The following LEKR1 variants were observed in gnomAD, a reference collection of about 807,000 sequenced individuals.
LEKR1 encodes leucine, glutamate and lysine rich 1, also known as protein LEKR1.
Under a neutral mutation model 72.4 loss-of-function variants are expected in LEKR1, and 59 were observed. That is an observed-to-expected ratio of 0.82 (90% confidence interval 0.66 to 1.01). The LOEUF (loss-of-function observed/expected upper bound fraction) is 1.01. Ranked by LOEUF, LEKR1 falls within the 50% of genes least tolerant of loss-of-function variation. The pLI is 0.00. For synonymous variants in LEKR1, 257 were observed against 263.2 expected, an observed-to-expected ratio of 0.98 and a Z score of 0.23; for missense variants, 728 against 759.2, an observed-to-expected ratio of 0.96 and a Z score of 0.48.
chr3:157,036,831 T>C lies in LEKR1; in HGVS notation c.1668+8429T>C, dbSNP rs145240635. Among the ~76,000 whole-genome samples, 943 of 152,286 alleles carry C rather than the reference T, an allele frequency of 6.2e-3. 5 individuals carry two copies. Among genetic ancestry groups the C allele is most frequent in the African/African-American group, 0.021 (889 of 41,554 alleles). ...AACAAAGAGAAGCTGATAGCTTACA[T>C]GGGGTGTTTGAACATGTTGAGAGGA... is the stretch of plus-strand genomic sequence containing the variant. On this transcript the variant is annotated intron_variant, in intron 12 of 12. Coordinates refer to ENST00000356539, the MANE Select transcript of LEKR1 (RefSeq NM_001004316.3).
At position 157,045,417 on chromosome 3, in the gene LEKR1, A is replaced by G; in HGVS notation, c.1746A>G (p.Arg582=). 2 of 1,614,158 alleles carry G rather than the reference A, an allele frequency of 1.2e-6. No homozygotes were observed. The highest frequency in any genetic ancestry group is 1.1e-5 in the South Asian group (1 of 91,088). The part of the protein sequence containing the change: ...FELTEALSQA[R]EQLLELSKLR... The stretch of plus-strand genomic sequence containing the variant: ...TGACAGAGGCTTTGAGTCAAGCCAG[A>G]GAACAGCTCCTGGAGCTCAGTAAGC... The change falls in exon 13 of 13, where the codon AGA becomes AGG. Residue 582 remains arginine (R), a synonymous_variant. Coordinates refer to ENST00000356539, the MANE Select transcript of LEKR1 (RefSeq NM_001004316.3).
intron 3 of LEKR1, among the ~76,000 whole-genome samples, chr3:156,868,629 A>G (rs1717576870): frequency 6.6e-6 from 1 of 152,074 alleles, no homozygotes; most frequent in African/African-American, 2.4e-5. Flanking sequence ...AAGTCACGGT[A>G]TTTGTGGTAT....
chr3:156,977,106 C>A (rs1250045695), intron 6 of LEKR1, among the ~76,000 whole-genome samples: 1 of 152,146 alleles, frequency 6.6e-6, no homozygotes, highest in African/African-American at 2.4e-5. Context: ...CTTCTTCCAG[C>A]CCATGATGAA....
chr3:157,008,361 A>ATTC (rs1290815909), intron 9 of LEKR1, among the ~76,000 whole-genome samples: 2 of 152,134 alleles, frequency 1.3e-5, no homozygotes, highest in African/African-American at 4.8e-5. Context: ...CCACATACAC[A>ATTC]TTCTACTCTG....
intron 12 of LEKR1, among the ~76,000 whole-genome samples, chr3:157,039,625 C>T (rs1011799084): frequency 6.6e-6 from 1 of 151,914 alleles, no homozygotes; most frequent in Non-Finnish European, 1.5e-5. Flanking sequence ...TCTCAAAAAA[C>T]GAAAAGAAAA....
At chr3:156,989,912 C>G (rs956593464) in intron 7 of LEKR1, among the ~76,000 whole-genome samples, 1 of 152,074 alleles carries the variant, frequency 6.6e-6, no homozygotes, top group Non-Finnish European at 1.5e-5. Flanking sequence ...CCCTTTACCT[C>G]TAGATACTTC....
chr3:156,866,539 CCT>C (rs1278053692), intron 3 of LEKR1, among the ~76,000 whole-genome samples: 2 of 152,008 alleles, frequency 1.3e-5, no homozygotes, highest in Non-Finnish European at 2.9e-5. Context: ...TCTCTCCAGA[CCT>C]CTTACTATGT....
chr3:156,991,937 T>G (rs1187509209), intron 7 of LEKR1, among the ~76,000 whole-genome samples: 2 of 152,318 alleles, frequency 1.3e-5, no homozygotes, highest in East Asian at 3.9e-4. Flanking sequence ...GCTATATTTC[T>G]CCAAAAAATA....
intron 10 of LEKR1, among the ~76,000 whole-genome samples, chr3:157,014,599 C>G (rs927126798): frequency 2.0e-5 from 3 of 151,938 alleles, no homozygotes; most frequent in African/African-American, 7.3e-5. Context: ...TATAAAATAT[C>G]AATTTTAATT....
intron 6 of LEKR1, among the ~76,000 whole-genome samples, chr3:156,970,509 A>C (rs1047157207): frequency 2.0e-5 from 3 of 152,146 alleles, no homozygotes; most frequent in Non-Finnish European, 1.5e-5. Context: ...TTTTTGTATA[A>C]GGTGTAAGGA....
At chr3:156,997,051 G>A (rs1317260946) in intron 9 of LEKR1, among the ~76,000 whole-genome samples, 2 of 147,234 alleles carry the variant, frequency 1.4e-5, no homozygotes, top group Non-Finnish European at 3.0e-5. Flanking sequence ...GGCAACAAGA[G>A]CAAAACTTCA....
intron 6 of LEKR1, among the ~76,000 whole-genome samples, chr3:156,971,362 T>C (rs895459749): frequency 2.6e-5 from 4 of 152,178 alleles, no homozygotes; most frequent in Admixed American, 2.6e-4. Context: ...AAGACTTAAA[T>C]GTTGGACCTG....
At chr3:156,969,815 A>G (rs146155018) in intron 6 of LEKR1, among the ~76,000 whole-genome samples, 2,816 of 152,276 alleles carry the variant, frequency 0.018, 79 homozygotes, top group African/African-American at 0.063. Flanking sequence ...CAGAGACACA[A>G]CAAAAAAAGA....
intron 3 of LEKR1, among the ~76,000 whole-genome samples, chr3:156,895,711 C>T (rs1721112618): frequency 6.6e-6 from 1 of 152,004 alleles, no homozygotes; most frequent in Non-Finnish European, 1.5e-5. Flanking sequence ...CAAAAAACAA[C>T]AGATGCTGGC....
At chr3:156,947,658 A>G (rs1252866458) in intron 6 of LEKR1, among the ~76,000 whole-genome samples, 1 of 151,130 alleles carries the variant, frequency 6.6e-6, no homozygotes, top group East Asian at 1.9e-4. Context: ...ACATCCTGAC[A>G]AACCCATCAT....
intron 3 of LEKR1, among the ~76,000 whole-genome samples, chr3:156,862,817 G>A (rs1716915043): frequency 6.6e-6 from 1 of 152,014 alleles, no homozygotes; most frequent in Admixed American, 6.6e-5. Context: ...CGCAGCCGGT[G>A]GAGTTCCACT....
intron 12 of LEKR1, among the ~76,000 whole-genome samples, chr3:157,041,678 T>C (rs1380064118): frequency 6.6e-6 from 1 of 152,016 alleles, no homozygotes; most frequent in Non-Finnish European, 1.5e-5. Context: ...CATTTTGACT[T>C]CCAGTCTAGT....
rs368494089 is a variant in LEKR1 at position 156,887,715 on chromosome 3, C to T, written c.264-32860C>T. 1.8e-4 allele frequency among the ~76,000 whole-genome samples: 27 copies of T among 151,974 alleles called. No individual in the cohort carries two copies. The East Asian group carries it at 3.5e-3, about 20-fold the overall frequency. ...TCTAATTTAGAATCATTTTTATTAG[C>T]GCTCAAAAAATTTAAAACTGAGCAT... is the stretch of plus-strand genomic sequence containing the variant. On this transcript the variant is annotated intron_variant, in intron 3 of 12. Transcript: ENST00000356539.
intron 9 of LEKR1, among the ~76,000 whole-genome samples, chr3:157,001,373 A>G (rs992776739): frequency 1.3e-5 from 2 of 152,202 alleles, no homozygotes; most frequent in Non-Finnish European, 2.9e-5. Flanking sequence ...AATCAAAATT[A>G]TCTCTTTGAT....
Sources: allele counts gnomAD v4.1 joint callset (sites outside exome capture counted in the v4.1 genomes callset), GRCh38; gene constraint gnomAD v4.1.1; transcripts MANE v1.5; gene names NCBI Gene and HGNC (gene_info 2026-07-23, HGNC 2026-07-21).